The following LHFPL2 variants were observed in gnomAD, a reference collection of about 807,000 sequenced individuals.
LHFPL2 encodes LHFPL tetraspan subfamily member 2 protein.
LHFPL2 carries 7 observed loss-of-function variants against 17.5 expected under a neutral mutation model. The ratio of observed to expected loss-of-function variants is 0.40; its 90% confidence interval spans 0.23 to 0.75. LHFPL2 has a LOEUF of 0.75. LHFPL2 is among the 30% of genes least tolerant of loss of function. The probability of loss-of-function intolerance (pLI) is 0.37; values close to 1 mark genes in which losing one functional copy is unlikely to be tolerated. For synonymous variants in LHFPL2, 134 were observed against 116.2 expected, an observed-to-expected ratio of 1.15 and a Z score of -0.99; for missense variants, 241 against 294.8, an observed-to-expected ratio of 0.82 and a Z score of 1.34.
At chr5:78,643,421 A>G (rs146998316) in intron 1 of LHFPL2, among the ~76,000 whole-genome samples, 222 of 152,350 alleles carry the variant, frequency 1.5e-3, no homozygotes, top group African/African-American at 5.1e-3. Flanking sequence ...TCTGGCTTTT[A>G]TAAGTCGATG....
At chr5:78,511,570 GAGAACTGCAA>G in intron 3 of LHFPL2, among the ~76,000 whole-genome samples, 1 of 152,332 alleles carries the variant, frequency 6.6e-6, no homozygotes, top group South Asian at 2.1e-4. Context: ...TCAACTCCAT[GAGAACTGCAA>G]AGAGCCCCCT....
intron 3 of LHFPL2, among the ~76,000 whole-genome samples, chr5:78,542,614 G>A (rs1043148088): frequency 5.9e-5 from 9 of 151,952 alleles, no homozygotes; most frequent in Non-Finnish European, 8.8e-5. Flanking sequence ...CACACCTCTC[G>A]CCTGCCCTTC....
chr5:78,568,121 T>C (rs1298119734), intron 2 of LHFPL2, among the ~76,000 whole-genome samples: 1 of 152,162 alleles, frequency 6.6e-6, no homozygotes, highest in Admixed American at 6.5e-5. Context: ...CTTTTTTCCA[T>C]TTTCCTAAAT....
intron 4 of LHFPL2, among the ~76,000 whole-genome samples, chr5:78,506,043 T>C (rs1754922177): frequency 6.6e-6 from 1 of 152,242 alleles, no homozygotes; most frequent in Admixed American, 6.5e-5. Context: ...CAGCCGGGTG[T>C]CCACCTAATG....
At chr5:78,550,098 C>A (rs1756397229) in intron 3 of LHFPL2, among the ~76,000 whole-genome samples, 1 of 152,144 alleles carries the variant, frequency 6.6e-6, no homozygotes, top group Non-Finnish European at 1.5e-5. Context: ...AATAATATAA[C>A]CCATAGTGGA....
intron 1 of LHFPL2, among the ~76,000 whole-genome samples, chr5:78,647,432 G>A (rs988385616): frequency 7.2e-5 from 11 of 152,156 alleles, no homozygotes; most frequent in Admixed American, 3.9e-4. Context: ...AGTTACTCCG[G>A]TTTACCTCTC....
chr5:78,624,146 A>G (rs1744953726), intron 2 of LHFPL2, among the ~76,000 whole-genome samples: 1 of 152,226 alleles, frequency 6.6e-6, no homozygotes. Context: ...TTAGATCAAT[A>G]AGTCCTGTGA....
chr5:78,511,355 A>T (rs1388480536), intron 3 of LHFPL2, among the ~76,000 whole-genome samples: 1 of 152,198 alleles, frequency 6.6e-6, no homozygotes, highest in East Asian at 1.9e-4. Flanking sequence ...TTCTGTCTCC[A>T]CGGAGGAATG....
At position 78,538,218 on chromosome 5, in the gene LHFPL2, C is replaced by T. The variant is rs549570113; in HGVS notation, c.-186+26595G>A. Reference sequence around the variant, plus strand: ...CCTGATGTAGATTGACAAAGTGAGACACACTTGCTGCTCCTAGTCTGTTAT... The same window carrying T: ...CCTGATGTAGATTGACAAAGTGAGATACACTTGCTGCTCCTAGTCTGTTAT... On this transcript the variant is annotated intron_variant, in intron 3 of 4. Transcript: ENST00000380345. Among the ~76,000 whole-genome samples, 13 of 152,334 alleles carry T rather than the reference C, an allele frequency of 8.5e-5. No individual in the cohort carries two copies. The South Asian group carries it at 2.7e-3, about 32-fold the overall frequency.
intron 2 of LHFPL2, among the ~76,000 whole-genome samples, chr5:78,592,994 A>G (rs1236436554): frequency 6.6e-6 from 1 of 152,194 alleles, no homozygotes; most frequent in Non-Finnish European, 1.5e-5. Flanking sequence ...TGAAATGTAC[A>G]TTTTATGTTA....
intron 2 of LHFPL2, among the ~76,000 whole-genome samples, chr5:78,593,598 A>G (rs972095627): frequency 1.3e-5 from 2 of 152,240 alleles, no homozygotes; most frequent in Admixed American, 6.5e-5. Context: ...TATGGGTAAC[A>G]GGTGAGCGTA....
intron 2 of LHFPL2, among the ~76,000 whole-genome samples, chr5:78,574,504 C>G (rs954337603): frequency 6.6e-6 from 1 of 152,262 alleles, no homozygotes; most frequent in East Asian, 1.9e-4. Flanking sequence ...TCTCCATTCT[C>G]TAACCAAATG....
At chr5:78,637,282 T>C (rs552528194) in intron 1 of LHFPL2, among the ~76,000 whole-genome samples, 1 of 151,966 alleles carries the variant, frequency 6.6e-6, no homozygotes, top group African/African-American at 2.4e-5. Context: ...AGTTATAGGG[T>C]ATGTGGGAAA....
In LHFPL2 at chr5:78,509,866, C is replaced by G. The variant is rs145906478; in HGVS notation, c.348G>C (p.Leu116Phe). The G allele has an allele frequency of 2.7e-5, 44 of 1,613,968 alleles. No homozygotes were observed. In the African/African-American group the frequency reaches 5.9e-4, roughly 21 times the overall value. ...VGIFILCMVA[L>F]VSVFTMCVQS... is the part of the protein sequence containing the mutation. ...GTACACACATGGTGAAGACGGACAC[C>G]AAGGCCACCATGCAGAGAATAAAGA... Residue 116 changes from leucine (L) to phenylalanine (F), a missense_variant, in exon 4 of 5, where the codon TTG becomes TTC. By Grantham distance (22) the Leu-to-Phe change is conservative. Coordinates refer to ENST00000380345, the MANE Select transcript of LHFPL2 (RefSeq NM_005779.3).
At chr5:78,592,635 C>T (rs1743672001) in intron 2 of LHFPL2, among the ~76,000 whole-genome samples, 1 of 73,676 alleles carries the variant, frequency 1.4e-5, no homozygotes, top group African/African-American at 4.2e-5. Flanking sequence ...CACACACACA[C>T]ACACATTACT....
intron 3 of LHFPL2, among the ~76,000 whole-genome samples, chr5:78,539,430 G>A (rs1004882446): frequency 2.0e-5 from 3 of 152,266 alleles, no homozygotes; most frequent in East Asian, 3.9e-4. Flanking sequence ...CTGTGAAGTC[G>A]GAGGTGGCAC....
chr5:78,523,414 G>A (rs1019856582), intron 3 of LHFPL2, among the ~76,000 whole-genome samples: 22 of 152,270 alleles, frequency 1.4e-4, no homozygotes, highest in African/African-American at 5.3e-4. Flanking sequence ...AAAGCCTGGG[G>A]TAGGATGGAG....
chr5:78,492,582 T>C (rs910144649), intron 4 of LHFPL2, among the ~76,000 whole-genome samples: 1 of 152,244 alleles, frequency 6.6e-6, no homozygotes, highest in African/African-American at 2.4e-5. Flanking sequence ...CGCTCCCTTT[T>C]CTAATGGCTC....
intron 1 of LHFPL2, among the ~76,000 whole-genome samples, chr5:78,641,154 G>C (rs1745647605): frequency 6.6e-6 from 1 of 152,236 alleles, no homozygotes; most frequent in African/African-American, 2.4e-5. Context: ...CATTAGCAAT[G>C]CAAGGGTTCC....
Sources: gnomAD v4.1 joint callset for allele counts (sites outside exome capture counted in the v4.1 genomes callset) on GRCh38, gnomAD v4.1.1 for gene constraint, MANE v1.5 for transcripts, NCBI Gene and HGNC (gene_info 2026-07-23, HGNC 2026-07-21) for gene names.